The following EPB41L2 variants were observed in gnomAD, a reference collection of about 807,000 sequenced individuals.
EPB41L2 encodes band 4.1-like protein 2.
In EPB41L2, 43 loss-of-function variants were observed where a neutral mutation model predicts 113.0. That is an observed-to-expected ratio of 0.38 (90% confidence interval 0.30 to 0.49). EPB41L2 has a LOEUF of 0.49. EPB41L2 is among the 20% of genes least tolerant of loss of function. The pLI is 0.95. For missense variants in EPB41L2, 1,147 were observed against 1,223.4 expected, an observed-to-expected ratio of 0.94 and a Z score of 0.93; for synonymous variants, 442 against 436.7, an observed-to-expected ratio of 1.01 and a Z score of -0.15.
intron 1 of EPB41L2, among the ~76,000 whole-genome samples, chr6:131,026,407 C>G (rs1313603341): frequency 2.0e-5 from 3 of 152,208 alleles, no homozygotes; most frequent in African/African-American, 4.8e-5. Flanking sequence ...CCTCCCATCT[C>G]CTCTAAAGGC....
At chr6:130,966,081 A>T (rs1434111083) in intron 1 of EPB41L2, among the ~76,000 whole-genome samples, 1 of 152,172 alleles carries the variant, frequency 6.6e-6, no homozygotes, top group Non-Finnish European at 1.5e-5. Flanking sequence ...AAGTTTACAA[A>T]TTTGTGTTGG....
At chr6:130,896,123 A>C (rs1011191390) in intron 8 of EPB41L2, among the ~76,000 whole-genome samples, 1 of 152,214 alleles carries the variant, frequency 6.6e-6, no homozygotes, top group Non-Finnish European at 1.5e-5. Flanking sequence ...ATAAAAGGAC[A>C]TTTTGTCTAT....
intron 4 of EPB41L2, among the ~76,000 whole-genome samples, chr6:130,915,074 C>T (rs1466857895): frequency 6.6e-6 from 1 of 151,584 alleles, no homozygotes; most frequent in Non-Finnish European, 1.5e-5. Context: ...GAGGCCGAGG[C>T]GGGCGGATCA....
intron 10 of EPB41L2, among the ~76,000 whole-genome samples, chr6:130,893,872 A>G (rs1409364049): frequency 6.6e-6 from 1 of 152,170 alleles, no homozygotes; most frequent in Non-Finnish European, 1.5e-5. Context: ...GCTGATGAGA[A>G]TATCGAAGTG....
chr6:130,942,824 T>C (rs2128589968), intron 3 of EPB41L2, among the ~76,000 whole-genome samples: 1 of 152,286 alleles, frequency 6.6e-6, no homozygotes, highest in African/African-American at 2.4e-5. Context: ...ATTGTTCAAC[T>C]CCCACTTATG....
At position 130,991,603 on chromosome 6, in the gene EPB41L2, C is replaced by T. The variant is rs377479595; in HGVS notation, c.-14-35104G>A. Among the ~76,000 whole-genome samples, 17 of 152,318 alleles carry T rather than the reference C, an allele frequency of 1.1e-4. No homozygotes were observed. In the East Asian group the frequency reaches 1.3e-3, roughly 12 times the overall value. On this transcript the variant is annotated intron_variant, in intron 1 of 19. Transcript: ENST00000337057. ...GTCCAATATTACTTGAACTCCACTA[C>T]GTATCTACTTCTTTTTTTATTTTTT...
intron 10 of EPB41L2, among the ~76,000 whole-genome samples, chr6:130,892,403 C>CTTCTTTTTTTTTTTT (rs1793197600): frequency 1.1e-5 from 1 of 92,640 alleles, no homozygotes; most frequent in Non-Finnish European, 2.4e-5. Context: ...CAGATTATTG[C>CTTCTTTTTTTTTTTT]TTTTTTTTTT....
At chr6:130,911,074 A>T (rs1014938366) in intron 4 of EPB41L2, among the ~76,000 whole-genome samples, 9 of 152,174 alleles carry the variant, frequency 5.9e-5, no homozygotes, top group African/African-American at 2.2e-4. Context: ...ACACATGCAC[A>T]CGTATGTTTA....
chr6:131,012,684 TA>T (rs1406296707), intron 1 of EPB41L2, among the ~76,000 whole-genome samples: 1 of 151,832 alleles, frequency 6.6e-6, no homozygotes, highest in Non-Finnish European at 1.5e-5. Context: ...TCCAACAAAG[TA>T]AAGCAAAGCA....
At position 130,901,007 on chromosome 6, in the gene EPB41L2, G is replaced by A. The variant is rs1298169401; in HGVS notation, c.1103C>T (p.Thr368Ile). 2 of 1,614,150 alleles carry A rather than the reference G, an allele frequency of 1.2e-6. No individual in the cohort carries two copies. The highest frequency in any genetic ancestry group is 8.5e-7 in the Non-Finnish European group (1 of 1,179,998). ...TGCCACCTTCTCTTCCAGCTCCTTA[G>A]TCTGAGTAGGGGCAAACTGGAATTC... is the stretch of plus-strand genomic sequence containing the variant. ...LSEFQFAPTQ[T>I]KELEEKVAEL... The change falls in exon 7 of 20, where the codon ACT (threonine) becomes ATT (isoleucine). Residue 368 changes from threonine to isoleucine, a missense_variant. Physicochemically the swap from Thr to Ile is moderately conservative, Grantham distance 89. Coordinates refer to ENST00000337057, the MANE Select transcript of EPB41L2 (RefSeq NM_001431.4).
At chr6:131,034,654 C>A (rs149047539) in intron 1 of EPB41L2, among the ~76,000 whole-genome samples, 1 of 152,212 alleles carries the variant, frequency 6.6e-6, no homozygotes, top group East Asian at 1.9e-4. Context: ...TCTTCCTACA[C>A]TTAGTTTGGC....
At chr6:131,012,361 G>A (rs1787232213) in intron 1 of EPB41L2, among the ~76,000 whole-genome samples, 1 of 149,076 alleles carries the variant, frequency 6.7e-6, no homozygotes, top group South Asian at 2.2e-4. Flanking sequence ...TTATTGTGAG[G>A]AGCTGTCCCT....
At chr6:131,002,106 C>T (rs1784482181) in intron 1 of EPB41L2, among the ~76,000 whole-genome samples, 1 of 152,142 alleles carries the variant, frequency 6.6e-6, no homozygotes. Flanking sequence ...ATGATTACTG[C>T]CTCAAAAAGA....
chr6:130,987,479 T>C (rs540893500), intron 1 of EPB41L2, among the ~76,000 whole-genome samples: 1 of 152,216 alleles, frequency 6.6e-6, no homozygotes, highest in Non-Finnish European at 1.5e-5. Context: ...GATCACTTGA[T>C]TGCTGGAGTT....
At chr6:130,844,311 C>T (rs1562274937) in intron 19 of EPB41L2, among the ~76,000 whole-genome samples, 2 of 152,036 alleles carry the variant, frequency 1.3e-5, no homozygotes, top group African/African-American at 2.4e-5. Flanking sequence ...GCCTGTAATC[C>T]CAGCATTTTG....
chr6:130,865,527 T>C lies in EPB41L2; in HGVS notation c.2829+9A>G, dbSNP rs745522943. ...CATCCTCTCCATATGATCCCCTGCA[T>C]TGCTTTACCTTGGTGATGTGTGTGG... On this transcript the variant is annotated intron_variant, in intron 17 of 19. Coordinates refer to ENST00000337057, the MANE Select transcript of EPB41L2 (RefSeq NM_001431.4). 5.0e-6 allele frequency: 8 copies of C among 1,613,698 alleles called. No homozygotes were observed. The highest frequency in any genetic ancestry group is 1.6e-4 in the Middle Eastern group (1 of 6,062).
chr6:131,015,626 A>G (rs1370283999), intron 1 of EPB41L2, among the ~76,000 whole-genome samples: 2 of 152,250 alleles, frequency 1.3e-5, no homozygotes, highest in African/African-American at 2.4e-5. Flanking sequence ...TAGAACACTC[A>G]TCTTAAAACA....
At chr6:130,929,531 C>T (rs1291740207) in intron 3 of EPB41L2, among the ~76,000 whole-genome samples, 2 of 152,122 alleles carry the variant, frequency 1.3e-5, no homozygotes, top group Non-Finnish European at 2.9e-5. Context: ...CAAGCTAGCA[C>T]TCAATCTTTA....
intron 1 of EPB41L2, among the ~76,000 whole-genome samples, chr6:130,986,623 C>T (rs947203873): frequency 3.3e-5 from 5 of 150,400 alleles, no homozygotes; most frequent in Non-Finnish European, 5.9e-5. Context: ...TGCTCTGTTG[C>T]CCAGGAGGCT....
Sources: allele counts gnomAD v4.1 joint callset (sites outside exome capture counted in the v4.1 genomes callset), GRCh38; gene constraint gnomAD v4.1.1; transcripts MANE v1.5; gene names NCBI Gene and HGNC (gene_info 2026-07-23, HGNC 2026-07-21).